Variants in CALD1 observed in about 807,000 individuals in gnomAD.
CALD1 encodes caldesmon.
CALD1 carries 33 observed loss-of-function variants against 99.9 expected under a neutral mutation model. The observed-to-expected ratio is 0.33, with a 90% confidence interval of 0.25 to 0.44. CALD1 has a LOEUF of 0.44. Among genes scored for constraint, CALD1 ranks in the 20% least tolerant of loss-of-function variants. The pLI, the probability that CALD1 is intolerant of heterozygous loss-of-function variation, is 1.00. For missense variants in CALD1, 861 were observed against 962.1 expected (o/e 0.89, Z 1.39); for synonymous variants, 310 against 325.0 (o/e 0.95, Z 0.50).
intron 4 of CALD1, among the ~76,000 whole-genome samples, chr7:134,929,646 G>GTGTA (rs1488854871): frequency 2.9e-3 from 23 of 7,906 alleles, no homozygotes; most frequent in South Asian, 5.7e-3. Context: ...GTGTGTGTGT[G>GTGTA]TATATATATA....
intron 7 of CALD1, among the ~76,000 whole-genome samples, chr7:134,946,143 C>G (rs1302115491): frequency 6.6e-6 from 1 of 151,994 alleles, no homozygotes; most frequent in African/African-American, 2.4e-5. Flanking sequence ...GCCTCCCTTT[C>G]TAATAACAAC....
the CALD1 span, among the ~76,000 whole-genome samples, chr7:134,723,332 G>C: frequency 1.3e-5 from 2 of 152,112 alleles, no homozygotes; most frequent in South Asian, 4.2e-4. Flanking sequence ...CTATCTTCTG[G>C]GTAGTTTAGG....
chr7:134,878,987 A>G (rs1017835292), intron 3 of CALD1, among the ~76,000 whole-genome samples: 1 of 152,036 alleles, frequency 6.6e-6, no homozygotes, highest in African/African-American at 2.4e-5. Context: ...AAAAAAAAAG[A>G]TGTAATGAAA....
the CALD1 span, among the ~76,000 whole-genome samples, chr7:134,734,638 G>C: frequency 1.4e-4 from 21 of 152,150 alleles, no homozygotes; most frequent in African/African-American, 4.6e-4. Context: ...TTTGTTTCCC[G>C]AGCTGTTCTT....
In CALD1 at chr7:134,944,540, T is replaced by C. The variant is rs147254994; in HGVS notation, c.1533-2968T>C. 2.6e-3 allele frequency: 391 copies of C among 151,870 alleles called. 3 individuals are homozygous for C. Among genetic ancestry groups the C allele is most frequent in the African/African-American group, 9.0e-3 (373 of 41,458 alleles). The allele number at this position is 151,870 out of a possible 1,614,324, so 9.4% of individuals were successfully genotyped here. On this transcript the variant is annotated intron_variant, in intron 7 of 14. Transcript: ENST00000361675. ...GCATGATATATAATATACATATATATATTATAAAATCAATATTGCACAGTG... is the reference window on the plus strand; with the variant it reads ...GCATGATATATAATATACATATATACATTATAAAATCAATATTGCACAGTG...
At chr7:134,891,744 G>GA in intron 3 of CALD1, 2 of 431,274 alleles carry the variant, frequency 4.6e-6, no homozygotes, top group Admixed American at 6.1e-5. Context: ...ACGAATTGTT[G>GA]TAAAAAAAAA....
At chr7:134,851,013 C>T (rs553628817) in intron 2 of CALD1, among the ~76,000 whole-genome samples, 5 of 152,334 alleles carry the variant, frequency 3.3e-5, no homozygotes, top group African/African-American at 1.2e-4. Flanking sequence ...GAGGCCTCCC[C>T]AGCCACGTGG....
intron 2 of CALD1, among the ~76,000 whole-genome samples, chr7:134,859,110 G>A (rs757829273): frequency 2.0e-5 from 3 of 152,164 alleles, no homozygotes; most frequent in African/African-American, 7.2e-5. Context: ...ATATATTTTC[G>A]CCATAACCCT....
chr7:134,932,846 A>G, intron 4 of CALD1, 142 bp from the exon 5 acceptor site: 2 of 566,060 alleles, frequency 3.5e-6, no homozygotes, highest in Non-Finnish European at 6.2e-6. Context: ...GCAGGCGTGT[A>G]CTAAAATGGT....
rs1800866497 is a variant in CALD1 at position 134,867,732 on chromosome 7, C to T, written c.-2C>T. 6 of 1,602,362 alleles carry T rather than the reference C, an allele frequency of 3.7e-6. No individual in the cohort carries two copies. In the East Asian group the frequency reaches 1.1e-4, roughly 30 times the overall value. ...TGGTCTCCCTGAACCTGAAATCACA[C>T]CATGGATGATTTTGAGCGTCGCAGA... is the stretch of plus-strand genomic sequence containing the variant. On this transcript the variant is annotated 5_prime_UTR_variant, in exon 3 of 15. Coordinates refer to ENST00000361675, the MANE Select transcript of CALD1 (RefSeq NM_033138.4).
chr7:134,848,097 G>GAA (rs566114460), intron 2 of CALD1, among the ~76,000 whole-genome samples: 73 of 143,314 alleles, frequency 5.1e-4, no homozygotes, highest in African/African-American at 1.5e-3. Context: ...ACAGTCTGGG[G>GAA]AAAAAAAAAA....
At chr7:134,924,790 CAA>C (rs895111483) in intron 3 of CALD1, among the ~76,000 whole-genome samples, 25 of 152,120 alleles carry the variant, frequency 1.6e-4, no homozygotes, top group African/African-American at 5.8e-4. Context: ...CTCCATGTGT[CAA>C]GAGAGAGACC....
chr7:134,722,575 C>G, the CALD1 span, among the ~76,000 whole-genome samples: 4 of 152,134 alleles, frequency 2.6e-5, no homozygotes, highest in Non-Finnish European at 5.9e-5. Context: ...GAGCATGCCA[C>G]CACACCTGGC....
intron 1 of CALD1, among the ~76,000 whole-genome samples, chr7:134,771,459 C>G (rs922036101): frequency 3.9e-5 from 6 of 152,198 alleles, no homozygotes; most frequent in African/African-American, 1.4e-4. Context: ...CAGTCCTCAT[C>G]TAAGCCATCA....
chr7:134,924,668 A>T (rs914206502), intron 3 of CALD1, among the ~76,000 whole-genome samples: 5 of 152,184 alleles, frequency 3.3e-5, no homozygotes, highest in African/African-American at 1.2e-4. Flanking sequence ...AAATAATTTT[A>T]ATATGTTTCT....
chr7:134,744,215 C>G (rs1289760314), upstream of CALD1: 1 of 152,100 alleles, frequency 6.6e-6, no homozygotes, highest in Non-Finnish European at 1.5e-5. Flanking sequence ...TTACACAGAA[C>G]TGTCGCTTTT....
chr7:134,848,421 G>A (rs1410420248), intron 2 of CALD1, among the ~76,000 whole-genome samples: 6 of 152,162 alleles, frequency 3.9e-5, no homozygotes, highest in African/African-American at 1.4e-4. Flanking sequence ...TTACTGACAG[G>A]GGAAAAGGGC....
intron 11 of CALD1, 100 bp downstream of exon 11, chr7:134,958,390 G>GC: frequency 2.3e-6 from 2 of 866,038 alleles, no homozygotes; most frequent in South Asian, 1.5e-5. Context: ...AAGTCCAATA[G>GC]CCCCAGGAGT....
intron 3 of CALD1, among the ~76,000 whole-genome samples, chr7:134,911,183 G>A (rs143236982): frequency 9.4e-4 from 142 of 151,646 alleles, no homozygotes; most frequent in African/African-American, 3.2e-3. Context: ...AAACCTGAGA[G>A]GTCATTTCCT....
Sources: gnomAD v4.1 joint callset for allele counts (sites outside exome capture counted in the v4.1 genomes callset) on GRCh38, gnomAD v4.1.1 for gene constraint, MANE v1.5 for transcripts, NCBI Gene and HGNC (gene_info 2026-07-23, HGNC 2026-07-21) for gene names.